ZMYND11: variants seen among roughly 807,000 people sequenced by gnomAD.
ZMYND11 encodes zinc finger MYND domain-containing protein 11.
A neutral mutation model predicts 84.9 loss-of-function variants in ZMYND11; 9 were observed. The ratio of observed to expected loss-of-function variants is 0.11; its 90% CI spans 0.06 to 0.18. The LOEUF is 0.18. Among genes scored for constraint, ZMYND11 ranks in the 10% least tolerant of loss-of-function variants. ZMYND11 has a pLI of 1.00. For missense variants in ZMYND11, 409 were observed against 761.0 expected (o/e 0.54, Z 5.44); for synonymous variants, 250 against 244.1 (o/e 1.02, Z -0.23).
intron 1 of ZMYND11, among the ~76,000 whole-genome samples, chr10:142,199 C>T (rs1205458682): frequency 6.6e-6 from 1 of 152,132 alleles, no homozygotes; most frequent in African/African-American, 2.4e-5. Flanking sequence ...TTCCTGGGCT[C>T]AAGTGATCCT....
intron 3 of ZMYND11, among the ~76,000 whole-genome samples, chr10:220,170 G>A (rs535051470): frequency 5.3e-5 from 8 of 152,178 alleles, no homozygotes; most frequent in Non-Finnish European, 7.4e-5. Context: ...CTTGGAAACC[G>A]TATAGATAAC....
upstream of ZMYND11, among the ~76,000 whole-genome samples, chr10:130,635 C>T (rs1162340676): frequency 6.6e-6 from 1 of 152,166 alleles, no homozygotes; most frequent in African/African-American, 2.4e-5. Context: ...TGGTAAATAA[C>T]TTGTCCAAGG....
At chr10:156,929 A>G (rs1431542406) in intron 1 of ZMYND11, among the ~76,000 whole-genome samples, 1 of 152,230 alleles carries the variant, frequency 6.6e-6, no homozygotes, top group Non-Finnish European at 1.5e-5. Flanking sequence ...GATTGGCAGT[A>G]TAGGCTGTCT....
At chr10:181,873 C>T (rs1325465649) in intron 2 of ZMYND11, among the ~76,000 whole-genome samples, 4 of 151,994 alleles carry the variant, frequency 2.6e-5, no homozygotes, top group African/African-American at 9.7e-5. Context: ...GGTATGATAA[C>T]TACATGCAAA....
At chr10:189,749 G>T (rs903848765) in intron 2 of ZMYND11, among the ~76,000 whole-genome samples, 2 of 152,118 alleles carry the variant, frequency 1.3e-5, no homozygotes, top group Non-Finnish European at 2.9e-5. Flanking sequence ...AACATACAAG[G>T]CACATAAAAT....
chr10:151,127 C>T (rs1163733307), intron 1 of ZMYND11, among the ~76,000 whole-genome samples: 2 of 152,138 alleles, frequency 1.3e-5, no homozygotes, highest in Non-Finnish European at 2.9e-5. Flanking sequence ...AAAAACAGAG[C>T]AGAAAAGCTC....
intron 11 of ZMYND11, 42 bp from the exon 12 acceptor site, chr10:247,356 T>C (rs1382480189): frequency 1.2e-6 from 2 of 1,605,728 alleles, no homozygotes; most frequent in Admixed American, 1.7e-5. Context: ...AGAAGTATTT[T>C]CTAGTGTCTG....
chr10:242,723 G>C (rs1951263744), intron 10 of ZMYND11, among the ~76,000 whole-genome samples: 1 of 152,194 alleles, frequency 6.6e-6, no homozygotes, highest in Non-Finnish European at 1.5e-5. Context: ...AGTCCATGAG[G>C]TGTCTCCTGT....
chr10:183,516 A>T (rs2130773585), intron 2 of ZMYND11, among the ~76,000 whole-genome samples: 1 of 152,278 alleles, frequency 6.6e-6, no homozygotes, highest in Non-Finnish European at 1.5e-5. Context: ...CTGCCAAATG[A>T]TAATCATCCA....
At chr10:171,286 A>G (rs995560994) in intron 1 of ZMYND11, among the ~76,000 whole-genome samples, 1 of 152,180 alleles carries the variant, frequency 6.6e-6, no homozygotes, top group Non-Finnish European at 1.5e-5. Flanking sequence ...GTTGGTAAGG[A>G]CGTAGTTGAA....
chr10:143,266 C>T (rs1837906192), intron 1 of ZMYND11, among the ~76,000 whole-genome samples: 1 of 152,218 alleles, frequency 6.6e-6, no homozygotes, highest in Non-Finnish European at 1.5e-5. Flanking sequence ...TCCTGACACT[C>T]AGCAGTGATG....
At chr10:138,301 C>T (rs181431399) in intron 1 of ZMYND11, among the ~76,000 whole-genome samples, 15 of 73,282 alleles carry the variant, frequency 2.0e-4, no homozygotes, top group African/African-American at 6.5e-4. Context: ...AGTAGGGGGC[C>T]GGGGTGGGGG....
At chr10:186,378 C>T (rs1004957147) in intron 2 of ZMYND11, among the ~76,000 whole-genome samples, 17 of 151,958 alleles carry the variant, frequency 1.1e-4, no homozygotes, top group African/African-American at 4.1e-4. Flanking sequence ...CGCCATGGCT[C>T]ACGCCTGTAA....
At chr10:148,121 A>G (rs1264196833) in intron 1 of ZMYND11, 6 of 152,362 alleles carry the variant, frequency 3.9e-5, no homozygotes, top group Non-Finnish European at 7.3e-5. Context: ...GATTATTGGT[A>G]TTCCTCCAGG....
chr10:177,605 A>G (rs781790067), intron 1 of ZMYND11, among the ~76,000 whole-genome samples: 6 of 152,048 alleles, frequency 3.9e-5, no homozygotes, highest in African/African-American at 1.2e-4. Context: ...TACATTTACT[A>G]TTTATTATGG....
intron 14 of ZMYND11, 61 bp downstream of exon 14, chr10:249,149 T>A (rs1175376248): frequency 6.2e-7 from 1 of 1,605,988 alleles, no homozygotes; most frequent in Non-Finnish European, 8.5e-7. Context: ...ATGATGCCCG[T>A]TAATTCAGAA....
chr10:131,488 T>G (rs530685483), upstream of ZMYND11, among the ~76,000 whole-genome samples: 1 of 152,138 alleles, frequency 6.6e-6, no homozygotes, highest in African/African-American at 2.4e-5. Context: ...CACTTAAGTA[T>G]TGGAAGAATC....
In ZMYND11 at chr10:135,677, G is replaced by C. The variant is rs1835804098; in HGVS notation, c.-20+118G>C. 2 of 149,490 alleles carry C rather than the reference G, an allele frequency of 1.3e-5. No individual in the cohort carries two copies. Among genetic ancestry groups the C allele is most frequent in the Non-Finnish European group, 3.0e-5 (2 of 66,622 alleles). The allele number at this position is 149,490 out of a possible 1,614,324, so 9.3% of individuals were successfully genotyped here. ...TCTGGGGCGGCGGCGGCACCAGTGG[G>C]TGCTGACGGTCGCTCGCCCGCTCGC... On this transcript the variant is annotated intron_variant, in intron 1 of 14. Coordinates refer to ENST00000381604, the MANE Select transcript of ZMYND11 (RefSeq NM_001370100.5). This position sits in a 1 kb window ranked among gnomAD's most constrained non-coding sequence, Gnocchi z 5.6.
rs760009072 is a variant in ZMYND11 at position 253,213 on chromosome 10, CTAACA to C, written c.*745_*749del. The stretch of plus-strand genomic sequence containing the variant: ...AAAGTTTGCACATTTCATCTTTGTC[CTAACA>C]TGAGTGCTTGTAACAAAATAAACAA... On this transcript the variant is annotated 3_prime_UTR_variant, in exon 15 of 15. Transcript: ENST00000381604. 6 of 152,540 alleles carry C rather than the reference CTAACA, an allele frequency of 3.9e-5. No individual in the cohort carries two copies. The highest frequency in any genetic ancestry group is 5.9e-5 in the Non-Finnish European group (4 of 68,004). The allele number at this position is 152,540 out of a possible 1,614,324, so 9.4% of individuals were successfully genotyped here.
Sources: gnomAD v4.1 joint callset for allele counts (sites outside exome capture counted in the v4.1 genomes callset) on GRCh38, gnomAD v4.1.1 for gene constraint, Gnocchi (gnomAD v3.1) non-coding constraint, MANE v1.5 for transcripts, NCBI Gene and HGNC (gene_info 2026-07-23, HGNC 2026-07-21) for gene names.